The following ZNF609 variants were observed in gnomAD, a reference collection of about 807,000 sequenced individuals.
ZNF609 encodes zinc finger protein 609.
In ZNF609, 11 loss-of-function variants were observed where a neutral mutation model predicts 109.5. The observed-to-expected ratio is 0.10, with a 90% CI of 0.06 to 0.17. ZNF609 has a LOEUF of 0.17. Among genes scored for constraint, ZNF609 ranks in the 10% least tolerant of loss-of-function variants. The pLI is 1.00. For missense variants in ZNF609, 1,559 were observed against 1,772.4 expected, an observed-to-expected ratio of 0.88 and a Z score of 2.16; for synonymous variants, 646 against 662.0, an observed-to-expected ratio of 0.98 and a Z score of 0.37.
intron 1 of ZNF609, among the ~76,000 whole-genome samples, chr15:64,497,627 C>T (rs545508901): frequency 6.6e-6 from 1 of 152,214 alleles, no homozygotes; most frequent in Non-Finnish European, 1.5e-5. Flanking sequence ...TTTGGCTGGA[C>T]ACGGTGGCTC....
intron 2 of ZNF609, among the ~76,000 whole-genome samples, chr15:64,607,143 AAAAAAATAAATAAATAAAGT>A (rs1190791649): frequency 5.9e-4 from 88 of 148,986 alleles, no homozygotes; most frequent in African/African-American, 2.1e-3. Flanking sequence ...ACACTCCATA[AAAAAAATAAATAAATAAAGT>A]AAAAAATAAA....
chr15:64,508,177 T>C (rs1439809248), intron 2 of ZNF609, among the ~76,000 whole-genome samples: 1 of 152,218 alleles, frequency 6.6e-6, no homozygotes, highest in Non-Finnish European at 1.5e-5. Flanking sequence ...AGATTTTCTG[T>C]TCACAGGGCA....
At chr15:64,621,503 CCA>C (rs1431536994) in intron 2 of ZNF609, among the ~76,000 whole-genome samples, 1 of 152,116 alleles carries the variant, frequency 6.6e-6, no homozygotes. Context: ...GCATATGCCA[CCA>C]CACACAGATA....
intron 2 of ZNF609, chr15:64,528,732 CA>C: frequency 1.9e-6 from 2 of 1,041,460 alleles, no homozygotes; most frequent in East Asian, 4.8e-5. Context: ...AATTCATTGT[CA>C]TACCAGGAAA....
intron 2 of ZNF609, among the ~76,000 whole-genome samples, chr15:64,588,895 C>T (rs1192955346): frequency 1.3e-5 from 2 of 152,168 alleles, no homozygotes; most frequent in Non-Finnish European, 2.9e-5. Flanking sequence ...CCACCTGCCT[C>T]AGCCTTCCAA....
intron 2 of ZNF609, among the ~76,000 whole-genome samples, chr15:64,597,940 A>G (rs1421934787): frequency 1.3e-5 from 2 of 152,210 alleles, no homozygotes; most frequent in African/African-American, 4.8e-5. Flanking sequence ...CACTATGTAT[A>G]TAAATATTCC....
chr15:64,549,098 C>T (rs1894417870), intron 2 of ZNF609, among the ~76,000 whole-genome samples: 1 of 152,058 alleles, frequency 6.6e-6, no homozygotes, highest in African/African-American at 2.4e-5. Context: ...ATTTTATTTT[C>T]AAAATGGTGA....
At chr15:64,505,748 A>G (rs1295961430) in intron 2 of ZNF609, among the ~76,000 whole-genome samples, 3 of 152,176 alleles carry the variant, frequency 2.0e-5, no homozygotes. Context: ...ATATACATCA[A>G]AGTTTGAGAA....
chr15:64,518,513 T>G (rs1476446644), intron 2 of ZNF609, among the ~76,000 whole-genome samples: 1 of 152,222 alleles, frequency 6.6e-6, no homozygotes, highest in Non-Finnish European at 1.5e-5. Context: ...CATCCTAACA[T>G]CTGCAGAAAA....
At chr15:64,586,443 ACAG>A (rs1273271960) in intron 2 of ZNF609, among the ~76,000 whole-genome samples, 2 of 152,258 alleles carry the variant, frequency 1.3e-5, no homozygotes, top group East Asian at 3.9e-4. Context: ...ACCTGGTCGC[ACAG>A]CAGGAGGTGA....
chr15:64,554,087 A>C (rs1337070686), intron 2 of ZNF609, among the ~76,000 whole-genome samples: 1 of 151,932 alleles, frequency 6.6e-6, no homozygotes, highest in African/African-American at 2.4e-5. Context: ...CCTTTATTGA[A>C]CTCAATAGAA....
intron 3 of ZNF609, among the ~76,000 whole-genome samples, chr15:64,634,125 A>T (rs1018442021): frequency 2.0e-5 from 3 of 151,940 alleles, no homozygotes; most frequent in African/African-American, 7.3e-5. Context: ...TGGAAAGAAG[A>T]GTAATTGTGT....
chr15:64,508,622 T>C (rs1292715605), intron 2 of ZNF609, among the ~76,000 whole-genome samples: 2 of 151,908 alleles, frequency 1.3e-5, no homozygotes, highest in Non-Finnish European at 2.9e-5. Flanking sequence ...TCGATAAAAA[T>C]TTGGATCTCA....
chr15:64,522,649 T>G (rs924883550), intron 2 of ZNF609, among the ~76,000 whole-genome samples: 1 of 152,202 alleles, frequency 6.6e-6, no homozygotes, highest in African/African-American at 2.4e-5. Context: ...AGTTTTGCAA[T>G]TTTTAAAGAC....
At chr15:64,661,946 A>G (rs1418832099) in intron 3 of ZNF609, among the ~76,000 whole-genome samples, 1 of 152,080 alleles carries the variant, frequency 6.6e-6, no homozygotes, top group East Asian at 1.9e-4. Context: ...GTCTAAAACA[A>G]TAAATATTAT....
chr15:64,517,782 CAT>C (rs541939815), intron 2 of ZNF609, among the ~76,000 whole-genome samples: 69 of 150,978 alleles, frequency 4.6e-4, no homozygotes, highest in African/African-American at 1.5e-3. Context: ...AAAAATTATA[CAT>C]ATATATTATT....
At chr15:64,627,646 T>C (rs1038969413) in intron 3 of ZNF609, among the ~76,000 whole-genome samples, 1 of 147,934 alleles carries the variant, frequency 6.8e-6, no homozygotes, top group Non-Finnish European at 1.5e-5. Context: ...CAGTTCTTTT[T>C]AGTTCTTTTT....
chr15:64,483,722 A>C (rs933144421), intron 1 of ZNF609, among the ~76,000 whole-genome samples: 25 of 152,050 alleles, frequency 1.6e-4, no homozygotes, highest in Non-Finnish European at 4.4e-5. Context: ...ACACTCTACT[A>C]TATAAGGTGT....
intron 3 of ZNF609, among the ~76,000 whole-genome samples, chr15:64,653,778 G>A (rs1217445870): frequency 6.6e-6 from 1 of 152,176 alleles, no homozygotes; most frequent in South Asian, 2.1e-4. Context: ...CAGATTGAAT[G>A]AGAAACTACT....
Sources: allele counts gnomAD v4.1 joint callset (sites outside exome capture counted in the v4.1 genomes callset), GRCh38; gene constraint gnomAD v4.1.1; transcripts MANE v1.5; gene names NCBI Gene and HGNC (gene_info 2026-07-23, HGNC 2026-07-21).